The following CYBA variants were observed in gnomAD, a reference collection of about 807,000 sequenced individuals.
CYBA encodes cytochrome b-245 light chain.
Under a neutral mutation model 20.8 loss-of-function variants are expected in CYBA, and 21 were observed. That is an observed-to-expected ratio of 1.01 (90% CI 0.72 to 1.46). The LOEUF (loss-of-function observed/expected upper bound fraction) is 1.46. Ranked by LOEUF, CYBA falls within the 40% of genes most tolerant of loss-of-function variation. CYBA has a pLI of 0.00. For missense variants in CYBA, 344 were observed against 287.0 expected, an observed-to-expected ratio of 1.20 and a Z score of -1.43; for synonymous variants, 164 against 127.5, an observed-to-expected ratio of 1.29 and a Z score of -1.93.
chr16:88,647,619 G>C, intron 2 of CYBA: 1 of 369,472 alleles, frequency 2.7e-6, no homozygotes, highest in African/African-American at 2.1e-5. Flanking sequence ...GGCACTCGGG[G>C]CTGCCCACGC....
chr16:88,646,850 A>G lies in CYBA; in HGVS notation c.204-12T>C, dbSNP rs2142875604. On this transcript the variant is annotated splice_polypyrimidine_tract_variant and intron_variant, in intron 3 of 5. Transcript: ENST00000261623. ...TGTACTTCTGTCCCCTGGGGGAGGG[A>G]GGAAGGCGAGACGGCGCGGCTGGGC... is the stretch of plus-strand genomic sequence containing the variant. The G allele has an allele frequency of 6.2e-7, 1 of 1,608,250 alleles. No individual in the cohort carries two copies. Among genetic ancestry groups the G allele is most frequent in the Non-Finnish European group, 8.5e-7 (1 of 1,175,254 alleles).
chr16:88,646,672 A>G, intron 4 of CYBA, 83 bp downstream of exon 4: 1 of 1,284,296 alleles, frequency 7.8e-7, no homozygotes, highest in Admixed American at 1.7e-5. Context: ...GCTCCTGTCC[A>G]GGCAGCCCGG....
chr16:88,647,764 A>C (rs926054442), intron 2 of CYBA: 48 of 545,802 alleles, frequency 8.8e-5, no homozygotes, highest in Non-Finnish European at 9.9e-6. Flanking sequence ...GGATCCCAGC[A>C]GTCCAACAGG....
intron 5 of CYBA, 138 bp downstream of exon 5, chr16:88,645,978 A>T (rs1597371793): frequency 1.4e-6 from 1 of 733,030 alleles, no homozygotes; most frequent in East Asian, 2.7e-5. Context: ...TGCTGTGAGC[A>T]CACGCCCAGG....
chr16:88,643,413 C>T lies in CYBA; in HGVS notation c.528G>A (p.Ala176=), dbSNP rs762277251. The T allele has an allele frequency of 1.7e-5, 26 of 1,533,980 alleles. No homozygotes were observed. The highest frequency in any genetic ancestry group is 4.2e-5 in the African/African-American group (3 of 71,582). The change falls in exon 6 of 6, where the codon GCG becomes GCA. Residue 176 remains alanine (A), a synonymous_variant. Transcript: ENST00000261623. The surrounding 1 kb of genome is among the most constrained non-coding windows in gnomAD (Gnocchi z 4.3). ...CCTGGGGACCTCCCGGGGGTCCCCC[C>T]GCCGCCACCGCAGCCTCCTCCTCGC... is the stretch of plus-strand genomic sequence containing the variant. ...KPSEEEAAVA[A]GGPPGGPQVN... is the part of the protein sequence containing the mutation.
chr16:88,649,985 G>A (rs370535748), intron 1 of CYBA, among the ~76,000 whole-genome samples: 2 of 152,298 alleles, frequency 1.3e-5, no homozygotes, highest in African/African-American at 4.8e-5. Flanking sequence ...CTCGAAGCAG[G>A]CGGTCACTTT....
At chr16:88,650,892 C>G in intron 1 of CYBA, 64 bp downstream of exon 1, 1 of 1,515,486 alleles carries the variant, frequency 6.6e-7, no homozygotes, top group Non-Finnish European at 9.0e-7. Flanking sequence ...AGCCCGAGGT[C>G]CCGGCTGGGG....
intron 5 of CYBA, chr16:88,645,793 G>A: frequency 3.7e-6 from 2 of 544,510 alleles, no homozygotes; most frequent in Non-Finnish European, 6.6e-6. Context: ...TCGGCCGGCT[G>A]CGTGACCCCA....
rs1907143200 is a variant in CYBA at position 88,643,291 on chromosome 16, C to T, written c.*62G>A. On this transcript the variant is annotated 3_prime_UTR_variant, in exon 6 of 6. Coordinates refer to ENST00000261623, the MANE Select transcript of CYBA (RefSeq NM_000101.4). This position sits in a 1 kb window ranked among gnomAD's most constrained non-coding sequence, Gnocchi z 4.3. ...GCCCCAGGCAGAGGCTCACGCGCTC[C>T]CGGCTTCGCTGCATTTATTGCAGGT... The T allele has an allele frequency of 2.3e-6, 3 of 1,301,232 alleles. No individual in the cohort carries two copies. The highest frequency in any genetic ancestry group is 3.1e-6 in the Non-Finnish European group (3 of 977,238). 80.6% of individuals were successfully genotyped at this position (1,301,232 alleles called of 1,614,324 possible). A position where few individuals can be genotyped will look rare whatever the true frequency, so the allele number is the denominator to read the frequency against.
At chr16:88,646,681 G>A (rs938371012) in intron 4 of CYBA, 74 bp downstream of exon 4, 10 of 1,381,846 alleles carry the variant, frequency 7.2e-6, no homozygotes, top group African/African-American at 2.8e-5. Flanking sequence ...CAGGCAGCCC[G>A]GCCGGTGGGA....
rs1364191254 is a variant in CYBA at position 88,643,542 on chromosome 16, G to A, written c.399C>T (p.Pro133=). Residue 133 remains proline, a synonymous_variant, in exon 6 of 6, where the codon CCC becomes CCT. Transcript: ENST00000261623. The surrounding 1 kb of genome is among the most constrained non-coding windows in gnomAD (Gnocchi z 4.3). The part of the protein sequence containing the change: ...LAAVRGEQWT[P]IEPKPRERPQ... ...GCCGCTCCCGGGGCTTGGGCTCGAT[G>A]GGCGTCCACTGCTCGCCACGCACAG... is the stretch of plus-strand genomic sequence containing the variant. 20 of 1,534,764 alleles carry A rather than the reference G, an allele frequency of 1.3e-5. No individual in the cohort carries two copies. Among genetic ancestry groups the A allele is most frequent in the South Asian group, 2.4e-5 (2 of 84,032 alleles).
intron 1 of CYBA, among the ~76,000 whole-genome samples, chr16:88,649,086 T>C (rs72558359): frequency 1.1e-3 from 171 of 151,828 alleles, no homozygotes; most frequent in South Asian, 7.1e-3. Flanking sequence ...TATGCGCGCC[T>C]GCCACCATAC....
chr16:88,646,881 C>G (rs1163949475), intron 3 of CYBA, 43 bp from the exon 4 acceptor site: 1 of 1,519,210 alleles, frequency 6.6e-7, no homozygotes, highest in Non-Finnish European at 9.1e-7. Flanking sequence ...TGGGCCTCTC[C>G]CACTCGGGAC....
chr16:88,645,192 G>T, intron 5 of CYBA: 1 of 701,772 alleles, frequency 1.4e-6, no homozygotes, highest in Non-Finnish European at 2.6e-6. Context: ...GCAGGGAGAC[G>T]GGGGGGATGC....
chr16:88,646,188 C>T lies in CYBA; in HGVS notation c.297G>A (p.Val99=), dbSNP rs771929830. 3.9e-6 allele frequency: 6 copies of T among 1,553,708 alleles called. No homozygotes were observed. The South Asian group carries it at 7.1e-5, about 18-fold the overall frequency. The change falls in exon 5 of 6, where the codon GTG becomes GTA. Residue 99 remains valine (V), a synonymous_variant. Coordinates refer to ENST00000261623, the MANE Select transcript of CYBA (RefSeq NM_000101.4). ...VRAVLHLLLS[V]PAGFLLATIL... ...TGGTGGCCAGCAGGAAGCCGGCGGGCACCGAGAGCCTGGGGGACAGCGGGT... is the reference window on the plus strand; with the variant it reads ...TGGTGGCCAGCAGGAAGCCGGCGGGTACCGAGAGCCTGGGGGACAGCGGGT...
intron 2 of CYBA, chr16:88,647,664 C>A: frequency 2.6e-6 from 1 of 385,182 alleles, no homozygotes; most frequent in South Asian, 2.3e-5. Flanking sequence ...TGCTCCTTGT[C>A]GCAAGGTCCG....
intron 5 of CYBA, chr16:88,644,639 C>T (rs770007472): frequency 2.0e-4 from 33 of 166,224 alleles, no homozygotes; most frequent in East Asian, 1.1e-3. Context: ...TCCTGGCTAA[C>T]GCGGTGAAAC....
At position 88,645,779 on chromosome 16, in the gene CYBA, G is replaced by T; in HGVS notation, c.369+337C>A. ...ATAATGGGACCCAAGCGCAGGCACG[G>T]TCTTCGGCCGGCTGCGTGACCCCAG... On this transcript the variant is annotated intron_variant, in intron 5 of 5. Coordinates refer to ENST00000261623, the MANE Select transcript of CYBA (RefSeq NM_000101.4). The T allele has an allele frequency of 7.4e-6, 4 of 538,484 alleles. No homozygotes were observed. The South Asian group carries it at 9.0e-5, about 12-fold the overall frequency. The allele number at this position is 538,484 out of a possible 1,614,324, so 33.4% of individuals were successfully genotyped here.
chr16:88,646,134 C>A lies in CYBA; in HGVS notation c.351G>T (p.Ala117=), dbSNP rs746239603. 16 of 1,556,746 alleles carry A rather than the reference C, an allele frequency of 1.0e-5. No individual in the cohort carries two copies. The highest frequency in any genetic ancestry group is 1.4e-5 in the Non-Finnish European group (16 of 1,151,994). The part of the protein sequence containing the change: ...TILGTACLAI[A]SGIYLLAAVR... ...CACTCACCAGTAGGTAGATGCCGCT[C>A]GCAATGGCCAGGCAGGCGGTCCCAA... The change falls in exon 5 of 6, where the codon GCG becomes GCT. Residue 117 remains alanine (A), a synonymous_variant. Transcript: ENST00000261623.
Sources: allele counts gnomAD v4.1 joint callset (sites outside exome capture counted in the v4.1 genomes callset), GRCh38; gene constraint gnomAD v4.1.1; non-coding constraint Gnocchi (gnomAD v3.1); transcripts MANE v1.5; gene names NCBI Gene and HGNC (gene_info 2026-07-23, HGNC 2026-07-21).